NEIL2: variants seen among roughly 807,000 people sequenced by gnomAD.
NEIL2 encodes the protein endonuclease 8-like 2.
NEIL2 carries 23 observed loss-of-function variants against 22.2 expected under a neutral mutation model. The observed-to-expected ratio is 1.04, with a 90% CI of 0.75 to 1.47. The LOEUF (loss-of-function observed/expected upper bound fraction) is 1.47. Among genes scored for constraint, NEIL2 ranks in the 40% most tolerant of loss-of-function variants. The pLI, the probability that NEIL2 is intolerant of heterozygous loss-of-function variation, is 0.00. For missense variants in NEIL2, 583 were observed against 404.7 expected, an observed-to-expected ratio of 1.44 and a Z score of -3.78; for synonymous variants, 229 against 164.8, an observed-to-expected ratio of 1.39 and a Z score of -2.99.
At chr8:11,775,369 C>T (rs956076448) in intron 2 of NEIL2, among the ~76,000 whole-genome samples, 5 of 152,186 alleles carry the variant, frequency 3.3e-5, no homozygotes. Context: ...GCTGGAGGGG[C>T]TAGGACACAG....
chr8:11,786,263 A>G lies in NEIL2; in HGVS notation c.989A>G (p.Gln330Arg). 6.2e-7 allele frequency: 1 copy of G among 1,611,862 alleles called. No individual in the cohort carries two copies. The highest frequency in any genetic ancestry group is 1.7e-5 in the Admixed American group (1 of 59,968). Residue 330 changes from glutamine (Q) to arginine (R), a missense_variant, in exon 5 of 5, where the codon CAG becomes CGG. Physicochemically the swap from Gln to Arg is conservative, Grantham distance 43. Coordinates refer to ENST00000284503, the MANE Select transcript of NEIL2 (RefSeq NM_145043.4). ...TTGTCAGAGGAGCCAGAGCAGTGCC[A>G]GTTCTCCTAAGGAGCTGGTGGTGCT... The part of the protein sequence containing the change: ...PQLSEEPEQC[Q>R]FS
rs533726552 is a variant in NEIL2 at position 11,786,004 on chromosome 8, C to T, written c.730C>T (p.His244Tyr). Residue 244 changes from histidine (H) to tyrosine (Y), a missense_variant, in exon 5 of 5, where the codon CAT becomes TAT. By Grantham distance (83) the His-to-Tyr change is moderately conservative. Transcript: ENST00000284503. ...TGAAGCCTTGTACAGAGCTGGGATC[C>T]ATCCCCTTTCTCTCGGTTCAGTCCT... The part of the protein sequence containing the change: ...KNEALYRAGI[H>Y]PLSLGSVLSA... The T allele has an allele frequency of 3.3e-5, 53 of 1,614,114 alleles. 1 individual carries two copies. In the South Asian group the frequency reaches 4.9e-4, roughly 15 times the overall value.
intron 4 of NEIL2, among the ~76,000 whole-genome samples, chr8:11,784,468 AG>A (rs1356116509): frequency 6.6e-6 from 1 of 152,198 alleles, no homozygotes; most frequent in East Asian, 1.9e-4. Context: ...GGTGCAGCTG[AG>A]ATGTGAATCC....
At chr8:11,784,260 C>T (rs1023707423) in intron 4 of NEIL2, among the ~76,000 whole-genome samples, 2 of 152,114 alleles carry the variant, frequency 1.3e-5, no homozygotes, top group Admixed American at 6.6e-5. Context: ...AGCGAAGAGC[C>T]GTCGGAAGTG....
Position 11,771,378 on chromosome 8 carries a change from C to T in NEIL2, c.-2-68C>T, listed in dbSNP as rs1279394386. Reference sequence around the variant, plus strand: ...AAATGGCGGCATGGAGGATGCTTGGCACCTGTTAAAGATGCTAGAGATAAA... The same window carrying T: ...AAATGGCGGCATGGAGGATGCTTGGTACCTGTTAAAGATGCTAGAGATAAA... On this transcript the variant is annotated intron_variant, in intron 1 of 4. Coordinates refer to ENST00000284503, the MANE Select transcript of NEIL2 (RefSeq NM_145043.4). 10 of 1,595,538 alleles carry T rather than the reference C, an allele frequency of 6.3e-6. No individual in the cohort carries two copies. The East Asian group carries it at 8.9e-5, about 14-fold the overall frequency.
Position 11,783,249 on chromosome 8 carries a change from T to G in NEIL2, c.538T>G (p.Cys180Gly). The G allele has an allele frequency of 6.2e-7, 1 of 1,614,238 alleles. No individual in the cohort carries two copies. Among genetic ancestry groups the G allele is most frequent in the Non-Finnish European group, 8.5e-7 (1 of 1,180,036 alleles). The part of the protein sequence containing the change: ...GGGGFLAFYN[C>G]QLSWSSSPVV... ...TGGTGGCTTCCTGGCATTTTATAAT[T>G]GTCAGTTGTCTTGGAGCTCTTCCCC... The change falls in exon 4 of 5, where the codon TGT becomes GGT. Residue 180 changes from cysteine (C) to glycine (G), a missense_variant. Physicochemically the swap from Cys to Gly is radical, Grantham distance 159. Coordinates refer to ENST00000284503, the MANE Select transcript of NEIL2 (RefSeq NM_145043.4).
intron 4 of NEIL2, among the ~76,000 whole-genome samples, chr8:11,783,721 G>A (rs1389786856): frequency 6.6e-6 from 1 of 152,254 alleles, no homozygotes; most frequent in Non-Finnish European, 1.5e-5. Flanking sequence ...CCACTGCACA[G>A]TGCAGCGCCT....
At position 11,773,857 on chromosome 8, in the gene NEIL2, C is replaced by G. The variant is rs188661025; in HGVS notation, c.138+2272C>G. Among the ~76,000 whole-genome samples, 95 of 152,254 alleles carry G rather than the reference C, an allele frequency of 6.2e-4. No homozygotes were observed. In the East Asian group the frequency reaches 6.6e-3, roughly 11 times the overall value. On this transcript the variant is annotated intron_variant, in intron 2 of 4. Transcript: ENST00000284503. Reference sequence around the variant, plus strand: ...CTCTAGCTCATGGTTTTCTCCTCCTCCAGTAATGGAACAGTCCAGGGTGGT... The same window carrying G: ...CTCTAGCTCATGGTTTTCTCCTCCTGCAGTAATGGAACAGTCCAGGGTGGT...
chr8:11,779,144 A>G (rs767924379), intron 2 of NEIL2, among the ~76,000 whole-genome samples: 3 of 152,078 alleles, frequency 2.0e-5, no homozygotes, highest in East Asian at 1.9e-4. Context: ...ATCAAGTCCA[A>G]TATGCTGGTG....
Position 11,779,620 on chromosome 8 carries a change from T to G in NEIL2, c.161T>G (p.Leu54Arg), listed in dbSNP as rs762261035. Residue 54 changes from leucine (L) to arginine (R), a missense_variant, in exon 3 of 5, where the codon CTT becomes CGT. Transcript: ENST00000284503. ...DTQVHGKKLF[L>R]RFDLDEEMGP... ...TAGGTCCATGGAAAGAAATTATTCC[T>G]TAGATTTGATCTAGATGAAGAAATG... The G allele has an allele frequency of 6.2e-7, 1 of 1,613,094 alleles. No homozygotes were observed. Among genetic ancestry groups the G allele is most frequent in the Non-Finnish European group, 8.5e-7 (1 of 1,179,698 alleles).
Position 11,771,480 on chromosome 8 carries a change from C to G in NEIL2, c.33C>G (p.His11Gln). The G allele has an allele frequency of 6.2e-7, 1 of 1,614,058 alleles. No homozygotes were observed. The highest frequency in any genetic ancestry group is 1.1e-5 in the South Asian group (1 of 91,070). Residue 11 changes from histidine (H) to glutamine (Q), a missense_variant, in exon 2 of 5, where the codon CAC becomes CAG. His to Gln is a conservative substitution (Grantham distance 24). Transcript: ENST00000284503. Reference sequence around the variant, plus strand: ...AAGGGCCGTTGGTGAGGAAATTTCACCATTTGGTCTCCCCCTTTGTGGGTC... The same window carrying G: ...AAGGGCCGTTGGTGAGGAAATTTCAGCATTTGGTCTCCCCCTTTGTGGGTC... Reference protein sequence around the residue: MPEGPLVRKFHHLVSPFVGQQ... With the variant: MPEGPLVRKFQHLVSPFVGQQ...
intron 3 of NEIL2, among the ~76,000 whole-genome samples, chr8:11,781,022 T>G (rs945026754): frequency 6.6e-6 from 1 of 152,208 alleles, no homozygotes; most frequent in Non-Finnish European, 1.5e-5. Flanking sequence ...TTTTAAATTT[T>G]TATATCATCA....
At chr8:11,785,472 A>G (rs1426113369) in intron 4 of NEIL2, among the ~76,000 whole-genome samples, 3 of 152,244 alleles carry the variant, frequency 2.0e-5, no homozygotes, top group African/African-American at 7.2e-5. Flanking sequence ...CTGGGATTAC[A>G]GGAATGCGCC....
In NEIL2 at chr8:11,778,943, G is replaced by GAAAAAAAAAA. The variant is rs57173797; in HGVS notation, c.139-642_139-633dup. Among the ~76,000 whole-genome samples, 2 of 44,504 alleles carry GAAAAAAAAAA rather than the reference G, an allele frequency of 4.5e-5. 1 individual carries two copies. Among genetic ancestry groups the GAAAAAAAAAA allele is most frequent in the Non-Finnish European group, 7.5e-5 (2 of 26,556 alleles). 29.2% of individuals were successfully genotyped at this position (44,504 alleles called of 152,430 possible). On this transcript the variant is annotated intron_variant, in intron 2 of 4. Transcript: ENST00000284503. ...CTCCAGTCTAGGCGAGACTCCATCT[G>GAAAAAAAAAA]AAAAAAAAAAAAAAAAAAAAAAGAC...
chr8:11,770,023 G>A lies in NEIL2; in HGVS notation c.-315G>A, dbSNP rs1803292917. On this transcript the variant is annotated 5_prime_UTR_variant, in exon 1 of 5. Coordinates refer to ENST00000284503, the MANE Select transcript of NEIL2 (RefSeq NM_145043.4). ...TTAGACCCCCCACCTCGGGCACTCG[G>A]AAGAGAACGGCGGAGACAACCCCTC... 6.6e-6 allele frequency: 1 copy of A among 152,186 alleles called. No individual in the cohort carries two copies. The highest frequency in any genetic ancestry group is 1.5e-5 in the Non-Finnish European group (1 of 68,044). 9.4% of individuals were successfully genotyped at this position (152,186 alleles called of 1,614,324 possible). A position where few individuals can be genotyped will look rare whatever the true frequency, so the allele number is the denominator to read the frequency against.
chr8:11,785,987 T>C lies in NEIL2; in HGVS notation c.713T>C (p.Leu238Ser). 6.2e-7 allele frequency: 1 copy of C among 1,614,160 alleles called. No individual in the cohort carries two copies. The highest frequency in any genetic ancestry group is 1.1e-5 in the South Asian group (1 of 91,080). The change falls in exon 5 of 5, where the codon TTG becomes TCG. Residue 238 changes from leucine (L) to serine (S), a missense_variant. Physicochemically the swap from Leu to Ser is moderately radical, Grantham distance 145. Transcript: ENST00000284503. ...GGGAACATCATTAAGAATGAAGCCTTGTACAGAGCTGGGATCCATCCCCTT... is the reference window on the plus strand; with the variant it reads ...GGGAACATCATTAAGAATGAAGCCTCGTACAGAGCTGGGATCCATCCCCTT... The part of the protein sequence containing the change: ...GLGNIIKNEA[L>S]YRAGIHPLSL...
intron 3 of NEIL2, among the ~76,000 whole-genome samples, chr8:11,781,243 C>T (rs1804396757): frequency 6.6e-6 from 1 of 152,146 alleles, no homozygotes; most frequent in Non-Finnish European, 1.5e-5. Context: ...CTTCTGTGGT[C>T]TGGAGATTTT....
intron 2 of NEIL2, among the ~76,000 whole-genome samples, chr8:11,778,715 G>A (rs1685552137): frequency 6.6e-6 from 1 of 152,030 alleles, no homozygotes; most frequent in South Asian, 2.1e-4. Context: ...ACTTTGGGAG[G>A]CCAAGACGGG....
intron 2 of NEIL2, among the ~76,000 whole-genome samples, chr8:11,774,770 C>A (rs7013933): frequency 0.15 from 22,976 of 152,174 alleles, 2,309 homozygotes; most frequent in Non-Finnish European, 0.23. Context: ...AGAAATTGGC[C>A]AAAACGAAGG....
Sources: gnomAD v4.1 joint callset for allele counts (sites outside exome capture counted in the v4.1 genomes callset) on GRCh38, gnomAD v4.1.1 for gene constraint, MANE v1.5 for transcripts, NCBI Gene and HGNC (gene_info 2026-07-23, HGNC 2026-07-21) for gene names.